Variants in LMO7 observed in about 807,000 individuals in gnomAD.
LMO7 encodes LIM domain only protein 7.
LMO7 carries 120 observed loss-of-function variants against 206.5 expected under a neutral mutation model. The observed-to-expected ratio is 0.58, with a 90% CI of 0.50 to 0.68. The LOEUF is 0.68. Among genes scored for constraint, LMO7 ranks in the 30% least tolerant of loss-of-function variants. The probability of loss-of-function intolerance (pLI) is 0.00; values close to 1 mark genes in which losing one functional copy is unlikely to be tolerated. For synonymous variants in LMO7, 706 were observed against 681.5 expected, an observed-to-expected ratio of 1.04 and a Z score of -0.56; for missense variants, 1,959 against 1,957.9, an observed-to-expected ratio of 1.00 and a Z score of -0.01.
intron 1 of LMO7, among the ~76,000 whole-genome samples, chr13:75,637,870 A>G (rs566474071): frequency 6.6e-6 from 1 of 152,292 alleles, no homozygotes; most frequent in South Asian, 2.1e-4. Context: ...ATGAGCTTTT[A>G]GTGTCTTTTT....
At chr13:75,751,010 T>C (rs772777838) in intron 3 of LMO7, among the ~76,000 whole-genome samples, 2 of 152,096 alleles carry the variant, frequency 1.3e-5, no homozygotes, top group Non-Finnish European at 2.9e-5. Context: ...TTGCTAACAT[T>C]TTTGGCACTG....
chr13:75,737,859 A>C (rs1028183246), intron 3 of LMO7, among the ~76,000 whole-genome samples: 7 of 146,584 alleles, frequency 4.8e-5, no homozygotes, highest in Non-Finnish European at 1.1e-4. Context: ...AAAAAAAAAA[A>C]AAAAACACAG....
rs1269122061 is a variant in LMO7, at chr13:75,841,095, A to G, written c.3583-14A>G. ...TTAATCTATTGGATTAATATATGTC[A>G]TATTTTCTTATAGGAAAAATATCAA... On this transcript the variant is annotated splice_polypyrimidine_tract_variant and intron_variant, in intron 22 of 30. Transcript: ENST00000377534. 1 of 1,549,872 alleles carries G rather than the reference A, an allele frequency of 6.5e-7. No individual in the cohort carries two copies. The highest frequency in any genetic ancestry group is 8.9e-7 in the Non-Finnish European group (1 of 1,123,710).
In LMO7 at chr13:75,856,537, C is replaced by T. The variant is rs201346648; in HGVS notation, c.4802C>T (p.Ser1601Phe). 5 of 1,611,442 alleles carry T rather than the reference C, an allele frequency of 3.1e-6. No homozygotes were observed. The African/African-American group carries it at 6.7e-5, about 22-fold the overall frequency. Residue 1601 changes from serine to phenylalanine, a missense_variant, in exon 30 of 31, where the codon TCT becomes TTT. Transcript: ENST00000377534. ...GCCTGTGAGTGTGACCTCGGAGGCT[C>T]TTCCTCAGGAGCTGAAGTCAGGATC... ...CVACECDLGG[S>F]SSGAEVRIRN...
At chr13:75,846,903 T>G (rs1306263311) in intron 26 of LMO7, among the ~76,000 whole-genome samples, 1 of 151,960 alleles carries the variant, frequency 6.6e-6, no homozygotes, top group Non-Finnish European at 1.5e-5. Flanking sequence ...TGGTGGCATG[T>G]GCCTGTAATC....
Position 75,787,825 on chromosome 13 carries a change from T to G in LMO7, c.318-7576T>G, listed in dbSNP as rs1213504577. On this transcript the variant is annotated intron_variant, in intron 4 of 30. Transcript: ENST00000377534. Reference sequence around the variant, plus strand: ...AGGTGGGAGGGAAGGAGGTAGATTCTGTTTCTTAGTTTTCTTTTTAATGCA... The same window carrying G: ...AGGTGGGAGGGAAGGAGGTAGATTCGGTTTCTTAGTTTTCTTTTTAATGCA... Among the ~76,000 whole-genome samples the G allele has an allele frequency of 2.6e-5, 4 of 152,220 alleles. No individual in the cohort carries two copies. In the East Asian group the frequency reaches 7.7e-4, roughly 29 times the overall value.
intron 3 of LMO7, among the ~76,000 whole-genome samples, chr13:75,734,144 TA>T (rs1477563142): frequency 6.6e-6 from 1 of 152,194 alleles, no homozygotes; most frequent in African/African-American, 2.4e-5. Context: ...ATATTACCCA[TA>T]AAATGAATGT....
At chr13:75,717,221 G>A (rs995920617) in intron 2 of LMO7, among the ~76,000 whole-genome samples, 1 of 151,768 alleles carries the variant, frequency 6.6e-6, no homozygotes, top group Admixed American at 6.6e-5. Flanking sequence ...AAATTAGCCG[G>A]GTGTGGTGGC....
intron 1 of LMO7, among the ~76,000 whole-genome samples, chr13:75,678,391 A>G (rs949287653): frequency 1.3e-5 from 2 of 152,196 alleles, no homozygotes; most frequent in African/African-American, 4.8e-5. Flanking sequence ...TGTGATGGCC[A>G]GTGATGAGCA....
intron 1 of LMO7, among the ~76,000 whole-genome samples, chr13:75,637,890 C>T (rs1555284935): frequency 1.3e-5 from 2 of 152,060 alleles, no homozygotes; most frequent in Non-Finnish European, 2.9e-5. Context: ...TAGATTGAAA[C>T]TTTGAGCTGG....
chr13:75,755,195 C>T (rs537486550), intron 3 of LMO7, among the ~76,000 whole-genome samples: 92 of 152,146 alleles, frequency 6.0e-4, no homozygotes, highest in African/African-American at 1.1e-3. Context: ...CTGTTGCCAG[C>T]GGCTGGTCTT....
At chr13:75,776,269 A>G (rs2050485859) in intron 4 of LMO7, among the ~76,000 whole-genome samples, 1 of 142,474 alleles carries the variant, frequency 7.0e-6, no homozygotes, top group African/African-American at 2.6e-5. Context: ...TAGTTCATTC[A>G]TAAAATCGTG....
intron 3 of LMO7, among the ~76,000 whole-genome samples, chr13:75,748,815 C>CT (rs376720178): frequency 0.27 from 38,873 of 142,934 alleles, 6,426 homozygotes; most frequent in Middle Eastern, 0.42. Context: ...TTCTTTCTTT[C>CT]TTTTTTTTTT....
At chr13:75,660,938 C>T (rs1053059106) in intron 1 of LMO7, among the ~76,000 whole-genome samples, 5 of 152,066 alleles carry the variant, frequency 3.3e-5, no homozygotes, top group Non-Finnish European at 5.9e-5. Flanking sequence ...GAATTTAGAA[C>T]GTAGGTAGGA....
chr13:75,740,102 A>G (rs2046295727), intron 3 of LMO7, among the ~76,000 whole-genome samples: 1 of 152,236 alleles, frequency 6.6e-6, no homozygotes, highest in Admixed American at 6.5e-5. Flanking sequence ...AAGAGAAAAT[A>G]CTTAAGGAAT....
chr13:75,739,664 G>A (rs1464628731), intron 3 of LMO7, among the ~76,000 whole-genome samples: 1 of 152,104 alleles, frequency 6.6e-6, no homozygotes, highest in Non-Finnish European at 1.5e-5. Context: ...CTCTCCCACG[G>A]CAAAATAGTG....
At chr13:75,707,448 TA>T (rs2042742565) in intron 1 of LMO7, among the ~76,000 whole-genome samples, 1 of 152,150 alleles carries the variant, frequency 6.6e-6, no homozygotes, top group South Asian at 2.1e-4. Flanking sequence ...TATATCATAA[TA>T]TAATCAAGTT....
chr13:75,840,379 A>T lies in LMO7; in HGVS notation c.3478-12A>T. ...GTTCTCTATTTGCATCTCTTCTCTG[A>T]TAACTGGTTAGCTTCCAGTTCCAAC... On this transcript the variant is annotated splice_polypyrimidine_tract_variant and intron_variant, in intron 21 of 30. Transcript: ENST00000377534. 6.2e-7 allele frequency: 1 copy of T among 1,613,906 alleles called. No individual in the cohort carries two copies. Among genetic ancestry groups the T allele is most frequent in the Non-Finnish European group, 8.5e-7 (1 of 1,179,902 alleles).
intron 3 of LMO7, among the ~76,000 whole-genome samples, chr13:75,729,688 T>G (rs1186412551): frequency 9.9e-5 from 15 of 151,296 alleles, no homozygotes; most frequent in Admixed American, 3.3e-4. Flanking sequence ...GTGAGAGAGG[T>G]CATCCCTGTC....
Sources: gnomAD v4.1 joint callset for allele counts (sites outside exome capture counted in the v4.1 genomes callset) on GRCh38, gnomAD v4.1.1 for gene constraint, MANE v1.5 for transcripts, NCBI Gene and HGNC (gene_info 2026-07-23, HGNC 2026-07-21) for gene names.